Variants in GSN observed in about 807,000 individuals in gnomAD.
GSN encodes gelsolin, also known as actin-depolymerizing factor.
GSN carries 56 observed loss-of-function variants against 85.7 expected under a neutral mutation model. The ratio of observed to expected loss-of-function variants is 0.65; its 90% confidence interval spans 0.53 to 0.82. The LOEUF (loss-of-function observed/expected upper bound fraction) is 0.82, where lower values mean the gene tolerates loss of function less well. Among genes scored for constraint, GSN ranks in the 40% least tolerant of loss-of-function variants. The pLI is 0.00. For synonymous variants in GSN, 373 were observed against 399.1 expected (o/e 0.93, Z 0.78); for missense variants, 857 against 979.8 (o/e 0.87, Z 1.67).
chr9:121,302,943 G>A lies in GSN; in HGVS notation c.229G>A (p.Ala77Thr), dbSNP rs2133232411. 6.2e-7 allele frequency: 1 copy of A among 1,613,916 alleles called. No individual in the cohort carries two copies. Among genetic ancestry groups the A allele is most frequent in the Non-Finnish European group, 8.5e-7 (1 of 1,179,978 alleles). The change falls in exon 4 of 18, where the codon GCC (alanine) becomes ACC (threonine). Residue 77 changes from alanine (A) to threonine (T), a missense_variant. By Grantham distance (58) the Ala-to-Thr change is moderately conservative (BLOSUM62 0). Transcript: ENST00000432226. ...GTGCAGCCAGGATGAGAGCGGGGCG[G>A]CCGCCATCTTTACCGTGCAGCTGGA... ...NECSQDESGA[A>T]AIFTVQLDDY...
At chr9:121,221,148 G>A (rs1345950283) in intron 4 of GSN, among the ~76,000 whole-genome samples, 1 of 152,194 alleles carries the variant, frequency 6.6e-6, no homozygotes, top group Non-Finnish European at 1.5e-5. Context: ...CCCAGTCCGA[G>A]AAAAGCCAGT....
At chr9:121,255,106 G>A (rs1564360764) in intron 6 of GSN, among the ~76,000 whole-genome samples, 4 of 151,912 alleles carry the variant, frequency 2.6e-5, no homozygotes, top group South Asian at 4.2e-4. Context: ...CCGCCACCAC[G>A]CCCGGCTAAT....
Position 121,299,412 on chromosome 9 carries a change from C to A in GSN, c.-9-2551C>A, listed in dbSNP as rs772146649. ...GCTTCACCACTCTGCGCTGTTCCCC[C>A]CTCTGTAAAATGGGTTGGCCGTTGT... On this transcript the variant is annotated intron_variant, in intron 2 of 17. Coordinates refer to ENST00000432226, the MANE Select transcript of GSN (RefSeq NM_198252.3). This position sits in a 1 kb window ranked among gnomAD's most constrained non-coding sequence, Gnocchi z 4.2. 156 of 979,238 alleles carry A rather than the reference C, an allele frequency of 1.6e-4. No individual in the cohort carries two copies. Among genetic ancestry groups the A allele is most frequent in the Non-Finnish European group, 1.8e-4 (152 of 824,338 alleles). The allele number at this position is 979,238 out of a possible 1,614,324, so 60.7% of individuals were successfully genotyped here.
chr9:121,263,842 T>C (rs1282584041), upstream of GSN, among the ~76,000 whole-genome samples: 1 of 148,960 alleles, frequency 6.7e-6, no homozygotes, highest in African/African-American at 2.5e-5. Context: ...TGAACCGAGA[T>C]TGCGCCATTG....
intron 8 of GSN, chr9:121,317,863 GA>G: frequency 5.2e-6 from 1 of 190,982 alleles, no homozygotes; most frequent in Non-Finnish European, 1.1e-5. Context: ...GAAAGAGAGA[GA>G]GAGAGACACT....
intron 8 of GSN, chr9:121,317,968 A>G: frequency 3.9e-6 from 1 of 258,452 alleles, no homozygotes; most frequent in Non-Finnish European, 7.6e-6. Flanking sequence ...GAGGCCCAGC[A>G]CTGGCTGGCC....
chr9:121,317,373 A>C, intron 8 of GSN, 155 bp downstream of exon 8: 2 of 820,794 alleles, frequency 2.4e-6, no homozygotes, highest in South Asian at 2.8e-5. Flanking sequence ...TGCATTTGAC[A>C]TACTGTGTGA....
Position 121,318,556 on chromosome 9 carries a change from G to T in GSN, c.975+62G>T. ...GGTCCTGTTTGGAGGGGATGGGCTGGAGTAGGGCGGGTGTCCCACCCTCAG... is the reference window on the plus strand; with the variant it reads ...GGTCCTGTTTGGAGGGGATGGGCTGTAGTAGGGCGGGTGTCCCACCCTCAG... On this transcript the variant is annotated intron_variant, in intron 9 of 17. Coordinates refer to ENST00000432226, the MANE Select transcript of GSN (RefSeq NM_198252.3). This position sits in a 1 kb window ranked among gnomAD's most constrained non-coding sequence, Gnocchi z 4.3. The T allele has an allele frequency of 6.7e-7, 1 of 1,490,732 alleles. No homozygotes were observed. The highest frequency in any genetic ancestry group is 1.4e-5 in the African/African-American group (1 of 72,752). The allele number at this position is 1,490,732 out of a possible 1,614,324, so 92.3% of individuals were successfully genotyped here.
At chr9:121,254,083 T>A (rs4595204) in intron 6 of GSN, among the ~76,000 whole-genome samples, 147,957 of 152,316 alleles carry the variant, frequency 0.97, 71,898 homozygotes, top group East Asian at 1. Context: ...ATGACCTATT[T>A]AATCTAGAGT....
rs1013498334 is a variant in GSN, at chr9:121,332,060, T to C, written c.2027-374T>C. Reference sequence around the variant, plus strand: ...GACAGAATGAGATGGTGTCTCAAAATGAAAAAAAAAAAGAAAAAGATGTTG... The same window carrying C: ...GACAGAATGAGATGGTGTCTCAAAACGAAAAAAAAAAAGAAAAAGATGTTG... On this transcript the variant is annotated intron_variant, in intron 17 of 17. Coordinates refer to ENST00000432226, the MANE Select transcript of GSN (RefSeq NM_198252.3). The surrounding 1 kb of genome is among the most constrained non-coding windows in gnomAD (Gnocchi z 4.8). Among the ~76,000 whole-genome samples the C allele has an allele frequency of 2.7e-5, 4 of 145,544 alleles. No homozygotes were observed. Among genetic ancestry groups the C allele is most frequent in the African/African-American group, 7.7e-5 (3 of 38,772 alleles).
intron 6 of GSN, among the ~76,000 whole-genome samples, chr9:121,258,751 G>GAATCAAGAGAAGAGACT (rs1424063935): frequency 8.1e-4 from 123 of 152,000 alleles, no homozygotes; most frequent in African/African-American, 2.9e-3. Context: ...AGCAGCATAA[G>GAATCAAGAGAAGAGACT]TGAGCAGAAT....
chr9:121,314,180 T>G (rs1409392025), intron 7 of GSN, among the ~76,000 whole-genome samples, 157 bp downstream of exon 7: 1 of 152,244 alleles, frequency 6.6e-6, no homozygotes, highest in African/African-American at 2.4e-5. Flanking sequence ...CTCGTGTACT[T>G]CCTTTGCTTT....
chr9:121,318,888 T>G lies in GSN; in HGVS notation c.1191+8T>G, dbSNP rs757973002. On this transcript the variant is annotated splice_region_variant and intron_variant, in intron 10 of 17. Transcript: ENST00000432226. This position sits in a 1 kb window ranked among gnomAD's most constrained non-coding sequence, Gnocchi z 4.3. ...GGCACAGGCCAGAAACAGGTACGTT[T>G]AGGGCGTGGGGTGGGTGTGTCCAGG... 1 of 1,609,920 alleles carries G rather than the reference T, an allele frequency of 6.2e-7. No homozygotes were observed. Among genetic ancestry groups the G allele is most frequent in the Admixed American group, 1.7e-5 (1 of 60,022 alleles).
Position 121,282,780 on chromosome 9 carries a change from G to A in GSN, c.-10+1218G>A, listed in dbSNP as rs148845022. The stretch of plus-strand genomic sequence containing the variant: ...CCCTGATAACTCCAAAAGCCAAGTT[G>A]CCTCAATGTAATCTGTCAACAAAAA... On this transcript the variant is annotated intron_variant, in intron 2 of 17. Transcript: ENST00000432226. The A allele has an allele frequency of 2.3e-4, 92 of 399,852 alleles. No homozygotes were observed. In the East Asian group the frequency reaches 3.4e-3, roughly 15 times the overall value. 24.8% of individuals were successfully genotyped at this position (399,852 alleles called of 1,614,324 possible). A position where few individuals can be genotyped will look rare whatever the true frequency, so the allele number is the denominator to read the frequency against.
At chr9:121,300,470 G>A (rs2059713247) in intron 2 of GSN, among the ~76,000 whole-genome samples, 1 of 151,896 alleles carries the variant, frequency 6.6e-6, no homozygotes, top group African/African-American at 2.4e-5. Context: ...CCTTTCTGCT[G>A]TCTTCCCTGC....
In GSN at chr9:121,299,938, G is replaced by C; in HGVS notation, c.-9-2025G>C. ...CTGTGCGCGCTGTCGCTGCCCGTCC[G>C]CGCGGCCACTGCGTCGCGGGGGGCG... On this transcript the variant is annotated intron_variant, in intron 2 of 17. Coordinates refer to ENST00000432226, the MANE Select transcript of GSN (RefSeq NM_198252.3). This position sits in a 1 kb window ranked among gnomAD's most constrained non-coding sequence, Gnocchi z 4.2. 1 of 1,261,256 alleles carries C rather than the reference G, an allele frequency of 7.9e-7. No homozygotes were observed. Among genetic ancestry groups the C allele is most frequent in the East Asian group, 3.3e-5 (1 of 30,680 alleles). The allele number at this position is 1,261,256 out of a possible 1,614,324, so 78.1% of individuals were successfully genotyped here.
chr9:121,267,374 A>G (rs1044711949), upstream of GSN, among the ~76,000 whole-genome samples: 2 of 152,202 alleles, frequency 1.3e-5, no homozygotes, highest in African/African-American at 4.8e-5. Flanking sequence ...ATCTGCCATG[A>G]CACTAATAAG....
rs950111553 is a variant in GSN at position 121,318,883 on chromosome 9, A to G, written c.1191+3A>G. On this transcript the variant is annotated splice_donor_region_variant and intron_variant, in intron 10 of 17. Transcript: ENST00000432226. This position sits in a 1 kb window ranked among gnomAD's most constrained non-coding sequence, Gnocchi z 4.3. ...ACGATGGCACAGGCCAGAAACAGGT[A>G]CGTTTAGGGCGTGGGGTGGGTGTGT... 5 of 1,611,136 alleles carry G rather than the reference A, an allele frequency of 3.1e-6. No individual in the cohort carries two copies. In the East Asian group the frequency reaches 1.1e-4, roughly 36 times the overall value.
At chr9:121,317,307 T>G in intron 8 of GSN, 89 bp downstream of exon 8, 1 of 1,372,328 alleles carries the variant, frequency 7.3e-7, no homozygotes, top group Non-Finnish European at 1.0e-6. Flanking sequence ...TCCCGGGGAG[T>G]GTGGAGTGTG....
Sources: allele counts gnomAD v4.1 joint callset (sites outside exome capture counted in the v4.1 genomes callset), GRCh38; gene constraint gnomAD v4.1.1; non-coding constraint Gnocchi (gnomAD v3.1); transcripts MANE v1.5; gene names NCBI Gene and HGNC (gene_info 2026-07-23, HGNC 2026-07-21).